ASIC2: variants seen among roughly 807,000 people sequenced by gnomAD.
The protein encoded by ASIC2 is acid-sensing ion channel 2.
ASIC2 carries 25 observed loss-of-function variants against 57.3 expected under a neutral mutation model. The ratio of observed to expected loss-of-function variants is 0.44; its 90% CI spans 0.32 to 0.61. The LOEUF is 0.61. Ranked by LOEUF, ASIC2 falls within the 20% of genes least tolerant of loss-of-function variation. The probability of loss-of-function intolerance (pLI) is 0.06; values close to 1 mark genes in which losing one functional copy is unlikely to be tolerated. For synonymous variants in ASIC2, 319 were observed against 307.5 expected (o/e 1.04, Z -0.39); for missense variants, 641 against 738.1 (o/e 0.87, Z 1.52).
chr17:33,155,851 C>A (rs1415910686), intron 1 of ASIC2, among the ~76,000 whole-genome samples: 1 of 152,028 alleles, frequency 6.6e-6, no homozygotes, highest in Non-Finnish European at 1.5e-5. Context: ...CCTCCACAGC[C>A]TTTCTGTAAA....
In ASIC2 at chr17:33,530,186, C is replaced by A. The variant is rs1033224559; in HGVS notation, c.556-418119G>T. The A allele has an allele frequency of 5.9e-5, 9 of 152,288 alleles. 1 individual carries two copies. Among genetic ancestry groups the A allele is most frequent in the Admixed American group, 3.9e-4 (6 of 15,298 alleles). The allele number at this position is 152,288 out of a possible 1,614,324, so 9.4% of individuals were successfully genotyped here. A position where few individuals can be genotyped will look rare whatever the true frequency, so the allele number is the denominator to read the frequency against. ...CGAGGCTCTCTGAAGGAGAAAGGGG[C>A]CCCTTCCAGTGTCTGTGAGTAGAAA... On this transcript the variant is annotated intron_variant, in intron 1 of 9. Coordinates refer to the ASIC2 transcript ENST00000359872.
chr17:33,675,960 G>A lies in ASIC2; in HGVS notation c.555+480018C>T, dbSNP rs147111836. On this transcript the variant is annotated intron_variant, in intron 1 of 9. Transcript: ENST00000359872. ...AAAATTTGTGGCAATCCAGCGTCAA[G>A]CAAGACTATAGATGTCATTTTTCCA... Among the ~76,000 whole-genome samples the A allele has an allele frequency of 3.9e-3, 600 of 152,306 alleles. 9 individuals are homozygous for A. The highest frequency in any genetic ancestry group is 0.014 in the African/African-American group (572 of 41,564).
At chr17:33,723,632 T>C (rs1909453655) in intron 1 of ASIC2, among the ~76,000 whole-genome samples, 1 of 152,212 alleles carries the variant, frequency 6.6e-6, no homozygotes, top group Non-Finnish European at 1.5e-5. Context: ...CCCAGCCCTA[T>C]GATTCCATTT....
chr17:33,032,557 T>G (rs2091888826), intron 3 of ASIC2, among the ~76,000 whole-genome samples: 1 of 148,726 alleles, frequency 6.7e-6, no homozygotes, highest in Admixed American at 6.7e-5. Flanking sequence ...TAAGCAATTC[T>G]CCAGCCTCAG....
At chr17:33,994,169 C>T (rs957859259) in intron 1 of ASIC2, among the ~76,000 whole-genome samples, 4 of 152,250 alleles carry the variant, frequency 2.6e-5, no homozygotes, top group Admixed American at 2.0e-4. Flanking sequence ...ATCAGGGTCC[C>T]GTGCCCCAGA....
intron 1 of ASIC2, among the ~76,000 whole-genome samples, chr17:33,575,326 C>T (rs1432728587): frequency 6.6e-6 from 1 of 152,182 alleles, no homozygotes; most frequent in East Asian, 1.9e-4. Context: ...AGCACAAGTT[C>T]CATAGATGCC....
intron 1 of ASIC2, among the ~76,000 whole-genome samples, chr17:34,092,148 G>A (rs1295263777): frequency 6.6e-6 from 1 of 152,172 alleles, no homozygotes; most frequent in Non-Finnish European, 1.5e-5. Flanking sequence ...CCAAAATGAG[G>A]TCATGTGCAG....
chr17:33,194,219 T>C (rs1364155179), intron 1 of ASIC2, among the ~76,000 whole-genome samples: 1 of 152,274 alleles, frequency 6.6e-6, no homozygotes, highest in Non-Finnish European at 1.5e-5. Flanking sequence ...TTCACTTTTC[T>C]GCACGCTAAA....
chr17:33,217,641 G>A (rs2142094577), intron 1 of ASIC2, among the ~76,000 whole-genome samples: 1 of 152,312 alleles, frequency 6.6e-6, no homozygotes, highest in South Asian at 2.1e-4. Context: ...CGTAGAAAGA[G>A]CCCAGACTAA....
intron 1 of ASIC2, among the ~76,000 whole-genome samples, chr17:34,124,745 C>T (rs1215714250): frequency 1.3e-5 from 2 of 152,112 alleles, no homozygotes; most frequent in Non-Finnish European, 2.9e-5. Context: ...TTGTGACATT[C>T]GCACATCATG....
intron 1 of ASIC2, among the ~76,000 whole-genome samples, chr17:33,908,558 C>T (rs1257056824): frequency 2.0e-5 from 3 of 152,300 alleles, no homozygotes; most frequent in Admixed American, 2.0e-4. Flanking sequence ...GATTCCAGCC[C>T]TTGTGAGAGC....
chr17:33,308,853 T>G (rs1906287797), intron 1 of ASIC2, among the ~76,000 whole-genome samples: 1 of 152,210 alleles, frequency 6.6e-6, no homozygotes, highest in African/African-American at 2.4e-5. Flanking sequence ...ATAGGTCACT[T>G]CATGGAACTT....
At chr17:33,790,633 C>T (rs1206403774) in intron 1 of ASIC2, among the ~76,000 whole-genome samples, 1 of 152,010 alleles carries the variant, frequency 6.6e-6, no homozygotes, top group African/African-American at 2.4e-5. Context: ...TTTAGCTTTC[C>T]TTAGGCAGCC....
At chr17:33,668,976 A>C (rs1460593407) in intron 1 of ASIC2, among the ~76,000 whole-genome samples, 1 of 152,182 alleles carries the variant, frequency 6.6e-6, no homozygotes, top group East Asian at 1.9e-4. Context: ...AGCCTTCTGA[A>C]CTGCATCTGG....
At chr17:33,996,901 T>C (rs1023339156) in intron 1 of ASIC2, among the ~76,000 whole-genome samples, 5 of 152,188 alleles carry the variant, frequency 3.3e-5, no homozygotes, top group East Asian at 1.9e-4. Flanking sequence ...AAAATACCAT[T>C]GGAATTTGGA....
intron 1 of ASIC2, among the ~76,000 whole-genome samples, chr17:33,726,562 A>G (rs1909567236): frequency 6.6e-6 from 1 of 152,188 alleles, no homozygotes; most frequent in Non-Finnish European, 1.5e-5. Context: ...AAGTTTCATG[A>G]AGCCAGGCTA....
chr17:33,545,328 T>C (rs1274546725), intron 1 of ASIC2, among the ~76,000 whole-genome samples: 1 of 152,202 alleles, frequency 6.6e-6, no homozygotes, highest in Non-Finnish European at 1.5e-5. Context: ...GTATGGGCTG[T>C]GATGACTTCC....
intron 1 of ASIC2, among the ~76,000 whole-genome samples, chr17:33,755,337 T>G (rs1910563747): frequency 6.6e-6 from 1 of 152,254 alleles, no homozygotes; most frequent in Non-Finnish European, 1.5e-5. Flanking sequence ...TTCCAATTTC[T>G]GACGTCTAGA....
intron 1 of ASIC2, among the ~76,000 whole-genome samples, chr17:33,168,393 G>T (rs1228839289): frequency 6.6e-6 from 1 of 152,176 alleles, no homozygotes; most frequent in Non-Finnish European, 1.5e-5. Context: ...TATAAAAGGA[G>T]CAGTAAGGAA....
Sources: allele counts gnomAD v4.1 joint callset (sites outside exome capture counted in the v4.1 genomes callset), GRCh38; gene constraint gnomAD v4.1.1; transcripts MANE v1.5; gene names NCBI Gene and HGNC (gene_info 2026-07-23, HGNC 2026-07-21).